The following ACBD6 variants were observed in gnomAD, a reference collection of about 807,000 sequenced individuals.
ACBD6 encodes the protein acyl-CoA binding domain containing 6.
In ACBD6, 28 loss-of-function variants were observed where a neutral mutation model predicts 37.2. The ratio of observed to expected loss-of-function variants is 0.75; its 90% CI spans 0.56 to 1.03. ACBD6 has a LOEUF of 1.03. Among genes scored for constraint, ACBD6 ranks in the 50% least tolerant of loss-of-function variants. ACBD6 has a pLI of 0.00. For missense variants in ACBD6, 340 were observed against 337.4 expected, an observed-to-expected ratio of 1.01 and a Z score of -0.06; for synonymous variants, 113 against 126.8, an observed-to-expected ratio of 0.89 and a Z score of 0.73.
At chr1:180,314,841 G>A (rs1650736150) in intron 6 of ACBD6, 119 bp from the exon 7 acceptor site, 1 of 756,518 alleles carries the variant, frequency 1.3e-6, no homozygotes, top group South Asian at 1.5e-5. Context: ...TCAGACTTAG[G>A]AAAAGAAGTC....
chr1:180,490,898 C>G (rs909485309), intron 3 of ACBD6, among the ~76,000 whole-genome samples: 1 of 143,858 alleles, frequency 7.0e-6, no homozygotes, highest in Non-Finnish European at 1.5e-5. Flanking sequence ...GTGGAGGTTA[C>G]GTTGAGCCAA....
At chr1:180,316,546 C>T (rs115309284) in intron 6 of ACBD6, among the ~76,000 whole-genome samples, 2,726 of 152,256 alleles carry the variant, frequency 0.018, 33 homozygotes, top group Non-Finnish European at 0.026. Flanking sequence ...ACTATTTGTG[C>T]ATAACTTTCA....
At chr1:180,422,133 T>C (rs1053148187) in intron 4 of ACBD6, among the ~76,000 whole-genome samples, 3 of 152,208 alleles carry the variant, frequency 2.0e-5, no homozygotes, top group Non-Finnish European at 4.4e-5. Context: ...GATTAAAAGA[T>C]ATTGCACAAA....
chr1:180,389,052 G>A lies in ACBD6; in HGVS notation c.663+8464C>T, dbSNP rs561511965. ...AAGTTTTAGGGTACATGTGCACAAC[G>A]TGCAGGTTAGTTTCATATGTATACA... On this transcript the variant is annotated intron_variant, in intron 6 of 7. Coordinates refer to ENST00000367595, the MANE Select transcript of ACBD6 (RefSeq NM_032360.4). 8.0e-4 allele frequency among the ~76,000 whole-genome samples: 121 copies of A among 152,154 alleles called. 1 individual carries two copies. Among genetic ancestry groups the A allele is most frequent in the South Asian group, 1.7e-3 (8 of 4,822 alleles).
chr1:180,342,572 TATTA>T (rs1355029070), intron 6 of ACBD6, among the ~76,000 whole-genome samples: 5 of 151,530 alleles, frequency 3.3e-5, no homozygotes, highest in African/African-American at 1.2e-4. Flanking sequence ...TTTAAATTAT[TATTA>T]ATAATTATCT....
chr1:180,427,811 T>C (rs1648647979), intron 4 of ACBD6, among the ~76,000 whole-genome samples: 1 of 151,566 alleles, frequency 6.6e-6, no homozygotes, highest in South Asian at 2.1e-4. Flanking sequence ...TTCCAGCTAC[T>C]CAGGAGGCTG....
intron 6 of ACBD6, among the ~76,000 whole-genome samples, chr1:180,349,822 G>C (rs1348497335): frequency 6.6e-6 from 1 of 151,600 alleles, no homozygotes; most frequent in Non-Finnish European, 1.5e-5. Flanking sequence ...AATCCTCTTT[G>C]GTTTTTCCTC....
intron 3 of ACBD6, among the ~76,000 whole-genome samples, chr1:180,447,547 T>C (rs1490022069): frequency 1.3e-5 from 2 of 152,162 alleles, no homozygotes; most frequent in African/African-American, 4.8e-5. Flanking sequence ...ATGTAAGTCA[T>C]TTGTATTTGT....
At chr1:180,303,921 C>T (rs1417034052) in intron 7 of ACBD6, among the ~76,000 whole-genome samples, 2 of 150,976 alleles carry the variant, frequency 1.3e-5, no homozygotes, top group East Asian at 3.9e-4. Flanking sequence ...ATTAAGTGGG[C>T]TTCATCCCTG....
intron 4 of ACBD6, among the ~76,000 whole-genome samples, chr1:180,427,653 C>T (rs577028352): frequency 6.6e-6 from 1 of 152,176 alleles, no homozygotes; most frequent in Non-Finnish European, 1.5e-5. Context: ...CCAGGCACAG[C>T]GGCTCACGCC....
intron 6 of ACBD6, among the ~76,000 whole-genome samples, chr1:180,333,728 C>T (rs576582262): frequency 1.8e-4 from 27 of 152,256 alleles, no homozygotes; most frequent in African/African-American, 4.8e-4. Context: ...TCGCCTCACC[C>T]GGGAAGCGCA....
chr1:180,501,389 C>G (rs1319805513), intron 1 of ACBD6, among the ~76,000 whole-genome samples: 1 of 152,074 alleles, frequency 6.6e-6, no homozygotes, highest in Non-Finnish European at 1.5e-5. Context: ...GCTCTTGTTG[C>G]CCAGGCTGGA....
At chr1:180,387,602 T>C (rs1165645661) in intron 6 of ACBD6, among the ~76,000 whole-genome samples, 3 of 152,180 alleles carry the variant, frequency 2.0e-5, no homozygotes, top group African/African-American at 4.8e-5. Flanking sequence ...TCAGCATCTG[T>C]TGATAACACC....
chr1:180,490,634 A>G (rs564300789), intron 3 of ACBD6, among the ~76,000 whole-genome samples: 3 of 151,898 alleles, frequency 2.0e-5, no homozygotes, highest in Admixed American at 2.0e-4. Flanking sequence ...AAAAATAAAA[A>G]AATTAACCGG....
chr1:180,502,107 G>C lies in ACBD6; in HGVS notation c.160C>G (p.Gln54Glu), dbSNP rs1350551543. 2 of 1,613,794 alleles carry C rather than the reference G, an allele frequency of 1.2e-6. No homozygotes were observed. The highest frequency in any genetic ancestry group is 2.2e-5 in the East Asian group (1 of 44,882). ...CTGCTGGCCACCTGAATCAGGCCTT[G>C]CAGGTGCGCGGCAGCCTTCTCAAAC... is the stretch of plus-strand genomic sequence containing the variant. Reference protein sequence around the residue: ...ELFEKAAAHLQGLIQVASREQ... With the variant: ...ELFEKAAAHLEGLIQVASREQ... Residue 54 changes from glutamine to glutamate, a missense_variant, in exon 1 of 8, where the codon CAA (glutamine) becomes GAA (glutamate). Physicochemically the swap from Gln to Glu is conservative, Grantham distance 29. Coordinates refer to ENST00000367595, the MANE Select transcript of ACBD6 (RefSeq NM_032360.4).
At position 180,433,925 on chromosome 1, in the gene ACBD6, T is replaced by C. The variant is rs143537460; in HGVS notation, c.385-3663A>G. On this transcript the variant is annotated intron_variant, in intron 3 of 7. Transcript: ENST00000367595. Reference sequence around the variant, plus strand: ...GGAATGGGTGCTGGGAGCCTGGGGATAGTGGAACACATGGAGGTTCCTGGA... The same window carrying C: ...GGAATGGGTGCTGGGAGCCTGGGGACAGTGGAACACATGGAGGTTCCTGGA... Among the ~76,000 whole-genome samples, 54 of 152,128 alleles carry C rather than the reference T, an allele frequency of 3.5e-4. 1 individual carries two copies. The East Asian group carries it at 9.5e-3, about 27-fold the overall frequency.
intron 6 of ACBD6, among the ~76,000 whole-genome samples, chr1:180,363,553 G>A (rs188607486): frequency 9.2e-5 from 14 of 152,270 alleles, no homozygotes; most frequent in African/African-American, 3.1e-4. Flanking sequence ...AAATGTAACG[G>A]GCAAAGCAAA....
At chr1:180,464,971 C>G (rs543151315) in intron 3 of ACBD6, among the ~76,000 whole-genome samples, 1 of 152,144 alleles carries the variant, frequency 6.6e-6, no homozygotes, top group Non-Finnish European at 1.5e-5. Context: ...GGATAACTGG[C>G]TAGCCATATA....
chr1:180,380,973 A>T (rs1653623069), intron 6 of ACBD6, among the ~76,000 whole-genome samples: 1 of 152,072 alleles, frequency 6.6e-6, no homozygotes, highest in Non-Finnish European at 1.5e-5. Flanking sequence ...CCTACGAGAA[A>T]CTCATCTCAC....
Sources: gnomAD v4.1 joint callset for allele counts (sites outside exome capture counted in the v4.1 genomes callset) on GRCh38, gnomAD v4.1.1 for gene constraint, MANE v1.5 for transcripts, NCBI Gene and HGNC (gene_info 2026-07-23, HGNC 2026-07-21) for gene names.